The following GGA2 variants were observed in gnomAD, a reference collection of about 807,000 sequenced individuals.
GGA2 encodes the protein golgi associated, gamma adaptin ear containing, ARF binding protein 2.
In GGA2, 48 loss-of-function variants were observed where a neutral mutation model predicts 79.5. That is an observed-to-expected ratio of 0.60 (90% CI 0.48 to 0.77). GGA2 has a LOEUF of 0.77. Among genes scored for constraint, GGA2 ranks in the 30% least tolerant of loss-of-function variants. The probability of loss-of-function intolerance (pLI) is 0.00; values close to 1 mark genes in which losing one functional copy is unlikely to be tolerated. For synonymous variants in GGA2, 317 were observed against 302.0 expected (o/e 1.05, Z -0.51); for missense variants, 770 against 774.0 (o/e 0.99, Z 0.06).
At chr16:23,510,502 G>C (rs1965030618), upstream of GGA2, 4 of 477,388 alleles carry the variant, frequency 8.4e-6, no homozygotes, top group Non-Finnish European at 1.4e-5. Context: ...TGCGCGGCAG[G>C]AGCGGTGGAC....
chr16:23,501,232 G>A, intron 1 of GGA2: 2 of 451,514 alleles, frequency 4.4e-6, no homozygotes, highest in South Asian at 3.1e-5. Context: ...TAGCTTTGGT[G>A]TACATCGAAC....
chr16:23,471,711 G>A (rs940274149), intron 14 of GGA2, among the ~76,000 whole-genome samples: 2 of 152,078 alleles, frequency 1.3e-5, no homozygotes, highest in Admixed American at 6.6e-5. Flanking sequence ...ACCAGCCTGG[G>A]CAATACAGTG....
rs1214196342 is a variant in GGA2 at position 23,488,645 on chromosome 16, G to A, written c.540C>T (p.Pro180=). ...DKILPPPSPW[P]KSSIFDADEE... ...CATCAGCATCAAAGATGGAGCTCTTGGGCCAGGGAGATGGTGGGGGTAAGA... is the reference window on the plus strand; with the variant it reads ...CATCAGCATCAAAGATGGAGCTCTTAGGCCAGGGAGATGGTGGGGGTAAGA... Residue 180 remains proline (P), a synonymous_variant, in exon 6 of 17, where the codon CCC becomes CCT. Transcript: ENST00000309859. The A allele has an allele frequency of 6.2e-7, 1 of 1,610,488 alleles. No individual in the cohort carries two copies. Among genetic ancestry groups the A allele is most frequent in the African/African-American group, 1.3e-5 (1 of 74,800 alleles).
chr16:23,469,060 G>C, intron 15 of GGA2, 64 bp from the exon 16 acceptor site: 1 of 1,041,366 alleles, frequency 9.6e-7, no homozygotes, highest in Non-Finnish European at 1.5e-6. Context: ...ATGGAGATCA[G>C]GTGAGGGGGA....
intron 2 of GGA2, chr16:23,519,569 A>G (rs547024074): frequency 4.9e-6 from 2 of 409,188 alleles, no homozygotes; most frequent in Admixed American, 5.9e-5. Flanking sequence ...GTGATGTAGG[A>G]GAAGAGAGAT....
chr16:23,494,980 G>T (rs1964836347), intron 2 of GGA2, among the ~76,000 whole-genome samples: 1 of 152,034 alleles, frequency 6.6e-6, no homozygotes, highest in African/African-American at 2.4e-5. Context: ...AGCTACTTGG[G>T]AGGCTGAGGC....
At position 23,486,582 on chromosome 16, in the gene GGA2, T is replaced by A; in HGVS notation, c.660+128A>T. ...GGGAGACTATGGCTGTTCCCCAGAGTTCAGGGCTAGGAGCCACTCTTTCTC... is the reference window on the plus strand; with the variant it reads ...GGGAGACTATGGCTGTTCCCCAGAGATCAGGGCTAGGAGCCACTCTTTCTC... On this transcript the variant is annotated intron_variant, in intron 7 of 16. Transcript: ENST00000309859. 1.4e-5 allele frequency: 10 copies of A among 737,934 alleles called. No homozygotes were observed. The South Asian group carries it at 1.5e-4, about 11-fold the overall frequency. 45.7% of individuals were successfully genotyped at this position (737,934 alleles called of 1,614,324 possible).
intron 1 of GGA2, among the ~76,000 whole-genome samples, chr16:23,521,500 G>A (rs1386095115): frequency 6.6e-6 from 1 of 151,796 alleles, no homozygotes; most frequent in East Asian, 1.9e-4. Context: ...CTCAGCTCAA[G>A]TGATCCTCCT....
At position 23,510,477 on chromosome 16, in the gene GGA2, C is replaced by A. The variant is rs1466420201; in HGVS notation, c.-66G>T. 3.4e-6 allele frequency: 2 copies of A among 580,146 alleles called. No homozygotes were observed. Among genetic ancestry groups the A allele is most frequent in the African/African-American group, 3.9e-5 (2 of 51,554 alleles). 35.9% of individuals were successfully genotyped at this position (580,146 alleles called of 1,614,324 possible). On this transcript the variant is annotated 5_prime_UTR_variant, in exon 1 of 17. Transcript: ENST00000309859. ...CTTCAGCCGCTGTAGCGTCCTGGCG[C>A]TCTCCTCTGCTGACTGCGCGGCAGG...
chr16:23,495,843 A>C, intron 1 of GGA2, 65 bp from the exon 2 acceptor site: 1 of 980,178 alleles, frequency 1.0e-6, no homozygotes, highest in Non-Finnish European at 1.6e-6. Flanking sequence ...CTCCCCATAC[A>C]CATGGTGGCC....
chr16:23,479,837 C>T lies in GGA2; in HGVS notation c.1057G>A (p.Glu353Lys). Residue 353 changes from glutamate (E) to lysine (K), a missense_variant, in exon 11 of 17, where the codon GAG becomes AAG. Transcript: ENST00000309859. The stretch of plus-strand genomic sequence containing the variant: ...ATCTGCGCAGGTCCATTGTCCACCT[C>T]CAAGTCAATCAGGGGGCAGGTCTTC... ...CMKTCPLIDLEVDNGPAQMGT... is the reference protein window; with the variant it reads ...CMKTCPLIDLKVDNGPAQMGT... The T allele has an allele frequency of 6.2e-7, 1 of 1,614,116 alleles. No individual in the cohort carries two copies. The highest frequency in any genetic ancestry group is 8.5e-7 in the Non-Finnish European group (1 of 1,179,972).
At chr16:23,514,256 G>A (rs946162045), upstream of GGA2, among the ~76,000 whole-genome samples, 9 of 151,512 alleles carry the variant, frequency 5.9e-5, no homozygotes, top group Non-Finnish European at 1.0e-4. Context: ...CAGGCACCCC[G>A]CCACCATGCC....
At chr16:23,522,120 A>T (rs1965149745), upstream of GGA2, 1 of 263,548 alleles carries the variant, frequency 3.8e-6, no homozygotes, top group African/African-American at 2.2e-5. Context: ...AATAAATTAC[A>T]AGTATTATTA....
intron 10 of GGA2, 187 bp downstream of exon 10, chr16:23,480,458 G>C (rs946873683): frequency 3.7e-6 from 2 of 535,670 alleles, no homozygotes; most frequent in Non-Finnish European, 6.6e-6. Flanking sequence ...GGTCCAGCCC[G>C]GCAACCAGCT....
intron 11 of GGA2, 137 bp downstream of exon 11, chr16:23,479,628 G>A (rs1964622118): frequency 9.8e-7 from 1 of 1,016,490 alleles, no homozygotes; most frequent in African/African-American, 1.6e-5. Context: ...CGTGCTCCCA[G>A]AGGGAACCAG....
At chr16:23,470,825 CTTTTTTT>C (rs36067397) in intron 14 of GGA2, among the ~76,000 whole-genome samples, 2 of 56,112 alleles carry the variant, frequency 3.6e-5, no homozygotes, top group African/African-American at 7.5e-5. Flanking sequence ...GAAATAAATG[CTTTTTTT>C]TTTTTTTTTT....
chr16:23,510,532 C>T, upstream of GGA2: 2 of 394,288 alleles, frequency 5.1e-6, no homozygotes, highest in Non-Finnish European at 4.3e-6. Flanking sequence ...GGCGGGGCCG[C>T]TGGCGCCACG....
intron 5 of GGA2, among the ~76,000 whole-genome samples, chr16:23,489,689 G>A (rs920725972): frequency 4.6e-5 from 7 of 152,310 alleles, no homozygotes; most frequent in Non-Finnish European, 4.4e-5. Flanking sequence ...ATTGTCTACA[G>A]GCCAGTGTGA....
In GGA2 at chr16:23,486,642, C is replaced by T. The variant is rs1370550540; in HGVS notation, c.660+68G>A. On this transcript the variant is annotated intron_variant, in intron 7 of 16. Transcript: ENST00000309859. ...CGTTCCTCTACCCCTCAAGCATAGG[C>T]TCATATGCACTGTCCTTCAGCCTCT... is the stretch of plus-strand genomic sequence containing the variant. The T allele has an allele frequency of 4.4e-6, 4 of 901,260 alleles. No homozygotes were observed. The East Asian group carries it at 9.6e-5, about 22-fold the overall frequency. The allele number at this position is 901,260 out of a possible 1,614,324, so 55.8% of individuals were successfully genotyped here. A position where few individuals can be genotyped will look rare whatever the true frequency, so the allele number is the denominator to read the frequency against.
Sources: allele counts gnomAD v4.1 joint callset (sites outside exome capture counted in the v4.1 genomes callset), GRCh38; gene constraint gnomAD v4.1.1; transcripts MANE v1.5; gene names NCBI Gene and HGNC (gene_info 2026-07-23, HGNC 2026-07-21).